Variants in TLN2 observed in about 807,000 individuals in gnomAD.
TLN2 encodes the protein talin-2.
In TLN2, 118 loss-of-function variants were observed where a neutral mutation model predicts 294.7. The observed-to-expected ratio is 0.40, with a 90% CI of 0.34 to 0.47. TLN2 has a LOEUF of 0.47. TLN2 is among the 20% of genes least tolerant of loss of function. The pLI is 0.84. For missense variants in TLN2, 3,083 were observed against 3,282.2 expected (o/e 0.94, Z 1.48); for synonymous variants, 1,431 against 1,304.5 (o/e 1.10, Z -2.09).
intron 1 of TLN2, among the ~76,000 whole-genome samples, chr15:62,587,094 C>A (rs1354409290): frequency 6.6e-6 from 1 of 152,116 alleles, no homozygotes; most frequent in African/African-American, 2.4e-5. Flanking sequence ...CTTAGGGACC[C>A]AAAGGCAGGG....
chr15:62,742,024 G>A (rs8025306), intron 32 of TLN2, among the ~76,000 whole-genome samples: 1 of 82,222 alleles, frequency 1.2e-5, no homozygotes, highest in Non-Finnish European at 2.6e-5. Context: ...CTTGTAGTGG[G>A]GTGTGTGTGT....
chr15:62,559,243 G>A (rs570194145), intron 1 of TLN2, among the ~76,000 whole-genome samples: 1 of 152,250 alleles, frequency 6.6e-6, no homozygotes, highest in East Asian at 1.9e-4. Context: ...ATTTTACTAG[G>A]ATCACCGAAA....
chr15:62,391,411 C>T (rs1175501596), intron 1 of TLN2, among the ~76,000 whole-genome samples: 2 of 152,236 alleles, frequency 1.3e-5, no homozygotes, highest in Admixed American at 6.5e-5. Flanking sequence ...CTCAGCGGCT[C>T]CCTCTCCTTC....
At chr15:62,720,351 T>G (rs1487659534) in intron 25 of TLN2, among the ~76,000 whole-genome samples, 1 of 152,200 alleles carries the variant, frequency 6.6e-6, no homozygotes, top group African/African-American at 2.4e-5. Context: ...AAGGGTAGAT[T>G]CATTTTAAGG....
intron 1 of TLN2, among the ~76,000 whole-genome samples, chr15:62,566,996 A>G (rs903604850): frequency 6.6e-6 from 1 of 152,338 alleles, no homozygotes; most frequent in Admixed American, 6.5e-5. Flanking sequence ...ATTTTGACCA[A>G]CTTATTTTCA....
intron 37 of TLN2, among the ~76,000 whole-genome samples, chr15:62,761,141 A>C (rs2062638427): frequency 6.6e-6 from 1 of 152,130 alleles, no homozygotes; most frequent in South Asian, 2.1e-4. Flanking sequence ...ATTAGATTCC[A>C]TTGTGTTCAT....
intron 21 of TLN2, among the ~76,000 whole-genome samples, chr15:62,710,643 T>G (rs1057230298): frequency 6.6e-6 from 1 of 152,020 alleles, no homozygotes; most frequent in South Asian, 2.1e-4. Flanking sequence ...AACCAGGAAA[T>G]TAGCATTGGT....
chr15:62,826,857 C>T (rs1216774780), intron 54 of TLN2, among the ~76,000 whole-genome samples: 1 of 152,060 alleles, frequency 6.6e-6, no homozygotes, highest in Non-Finnish European at 1.5e-5. Context: ...AAAATGTTCA[C>T]ACTTTAAAAA....
chr15:62,408,096 C>G (rs992595822), intron 1 of TLN2, among the ~76,000 whole-genome samples: 1 of 152,022 alleles, frequency 6.6e-6, no homozygotes, highest in Non-Finnish European at 1.5e-5. Flanking sequence ...GCTAATTGTC[C>G]CTCCGTTAGT....
intron 3 of TLN2, among the ~76,000 whole-genome samples, chr15:62,631,577 T>C (rs540556410): frequency 5.9e-5 from 6 of 101,414 alleles, no homozygotes; most frequent in South Asian, 3.8e-4. Context: ...CTTTCCTTTC[T>C]TTCTCTCTCT....
chr15:62,404,683 G>C (rs1415313141), intron 1 of TLN2, among the ~76,000 whole-genome samples: 1 of 151,176 alleles, frequency 6.6e-6, no homozygotes, highest in East Asian at 2.0e-4. Context: ...TGTAGCCCGA[G>C]GTCATGCATG....
At chr15:62,825,808 TTA>T (rs10681694) in intron 54 of TLN2, among the ~76,000 whole-genome samples, 1 of 5,812 alleles carries the variant, frequency 1.7e-4, no homozygotes, top group Non-Finnish European at 5.0e-4. Context: ...ATATTATATA[TTA>T]TATTATAATA....
At chr15:62,417,069 T>C (rs1044079091) in intron 1 of TLN2, among the ~76,000 whole-genome samples, 1 of 152,086 alleles carries the variant, frequency 6.6e-6, no homozygotes, top group Non-Finnish European at 1.5e-5. Context: ...GGAGTTGACG[T>C]TGGGGAGTGC....
chr15:62,585,430 T>A (rs961495357), intron 1 of TLN2, among the ~76,000 whole-genome samples: 2 of 152,190 alleles, frequency 1.3e-5, no homozygotes, highest in Non-Finnish European at 2.9e-5. Flanking sequence ...ATGAGTATGA[T>A]CATTTCTGCT....
chr15:62,750,925 G>A (rs751144878), intron 34 of TLN2, among the ~76,000 whole-genome samples: 4 of 152,096 alleles, frequency 2.6e-5, no homozygotes, highest in Non-Finnish European at 5.9e-5. Context: ...ATCCTCTTAT[G>A]TGTTCTTTTG....
chr15:62,818,283 C>T (rs1355568718), intron 52 of TLN2, among the ~76,000 whole-genome samples: 1 of 152,200 alleles, frequency 6.6e-6, no homozygotes, highest in Non-Finnish European at 1.5e-5. Context: ...CAGAGATAGA[C>T]AGCAGTTATA....
chr15:62,409,373 G>A (rs933661322), intron 1 of TLN2, among the ~76,000 whole-genome samples: 1 of 152,166 alleles, frequency 6.6e-6, no homozygotes, highest in Non-Finnish European at 1.5e-5. Context: ...CAGTCACACA[G>A]TAGGGTTATA....
At chr15:62,710,161 C>T (rs1398709622) in intron 21 of TLN2, among the ~76,000 whole-genome samples, 1 of 152,070 alleles carries the variant, frequency 6.6e-6, no homozygotes, top group South Asian at 2.1e-4. Flanking sequence ...TTTGTTAGTT[C>T]ATTTTGCTTT....
rs111332026 is a variant in TLN2 at position 62,792,024 on chromosome 15, T to C, written c.5737-617T>C. Among the ~76,000 whole-genome samples the C allele has an allele frequency of 6.2e-3, 945 of 152,258 alleles. 14 individuals are homozygous for C. Among genetic ancestry groups the C allele is most frequent in the African/African-American group, 0.022 (899 of 41,534 alleles). On this transcript the variant is annotated intron_variant, in intron 45 of 58. Coordinates refer to ENST00000636159, the MANE Select transcript of TLN2 (RefSeq NM_015059.3). Reference sequence around the variant, plus strand: ...AGCTTTTAGCTCTAAAAATGTACCTTTTAAAGGAAACCTCAAACCTGGCCT... The same window carrying C: ...AGCTTTTAGCTCTAAAAATGTACCTCTTAAAGGAAACCTCAAACCTGGCCT...
Sources: gnomAD v4.1 joint callset for allele counts (sites outside exome capture counted in the v4.1 genomes callset) on GRCh38, gnomAD v4.1.1 for gene constraint, MANE v1.5 for transcripts, NCBI Gene and HGNC (gene_info 2026-07-23, HGNC 2026-07-21) for gene names.